SLC15A2: variants seen among roughly 807,000 people sequenced by gnomAD.
SLC15A2 encodes kidney H(+)/peptide cotransporter.
Under a neutral mutation model 95.5 loss-of-function variants are expected in SLC15A2, and 77 were observed. The ratio of observed to expected loss-of-function variants is 0.81; its 90% CI spans 0.67 to 0.97. SLC15A2 has a LOEUF of 0.97. Ranked by LOEUF, SLC15A2 falls within the 50% of genes least tolerant of loss-of-function variation. The probability of loss-of-function intolerance (pLI) is 0.00; values close to 1 mark genes in which losing one functional copy is unlikely to be tolerated. For missense variants in SLC15A2, 893 were observed against 874.4 expected, an observed-to-expected ratio of 1.02 and a Z score of -0.27; for synonymous variants, 306 against 306.9, an observed-to-expected ratio of 1.00 and a Z score of 0.03.
chr3:121,921,372 A>G (rs764924598), intron 7 of SLC15A2, among the ~76,000 whole-genome samples: 93 of 152,188 alleles, frequency 6.1e-4, no homozygotes, highest in African/African-American at 2.1e-3. Context: ...TAAGGATTAA[A>G]TACATAGATT....
rs147268804 is a variant in SLC15A2, at chr3:121,928,266, C to A, written c.1207-155C>A. 80 of 838,870 alleles carry A rather than the reference C, an allele frequency of 9.5e-5. No individual in the cohort carries two copies. The African/African-American group carries it at 9.6e-4, about 10-fold the overall frequency. The allele number at this position is 838,870 out of a possible 1,614,324, so 52.0% of individuals were successfully genotyped here. On this transcript the variant is annotated intron_variant, in intron 14 of 21. Coordinates refer to ENST00000489711, the MANE Select transcript of SLC15A2 (RefSeq NM_021082.4). ...AGCTGATGTTTCCCTCTCCAAGCTG[C>A]CTTTAGAGTTTTCTAAGCCAAATAT...
intron 18 of SLC15A2, 21 bp from the exon 19 acceptor site, chr3:121,931,618 C>T (rs549988322): frequency 6.6e-7 from 1 of 1,521,666 alleles, no homozygotes. Context: ...TTTATTCTAA[C>T]CTAAATTCAT....
intron 4 of SLC15A2, 102 bp downstream of exon 4, chr3:121,911,768 A>T: frequency 2.6e-6 from 2 of 780,476 alleles, no homozygotes; most frequent in South Asian, 3.2e-5. Context: ...TTCAATCTAC[A>T]GTTTACTACA....
chr3:121,905,832 G>T (rs947427955), intron 3 of SLC15A2, among the ~76,000 whole-genome samples: 2 of 152,170 alleles, frequency 1.3e-5, no homozygotes, highest in African/African-American at 4.8e-5. Context: ...CTATTGATTT[G>T]GGGTGGAGAG....
chr3:121,941,136 A>C lies in SLC15A2; in HGVS notation c.*129A>C. On this transcript the variant is annotated 3_prime_UTR_variant, in exon 22 of 22. Transcript: ENST00000489711. ...ATCTCCTCCACCTTTCTCCAATGAC[A>C]GAAGTTCCAGGACTGGTTTTCCAGT... The C allele has an allele frequency of 1.2e-6, 1 of 803,840 alleles. No individual in the cohort carries two copies. Among genetic ancestry groups the C allele is most frequent in the Non-Finnish European group, 1.9e-6 (1 of 524,258 alleles). The allele number at this position is 803,840 out of a possible 1,614,324, so 49.8% of individuals were successfully genotyped here.
chr3:121,905,315 A>C (rs970290814), intron 3 of SLC15A2, among the ~76,000 whole-genome samples: 5 of 151,936 alleles, frequency 3.3e-5, no homozygotes, highest in African/African-American at 1.2e-4. Context: ...GGATTCGTTG[A>C]TTTTTTGAAG....
At position 121,930,935 on chromosome 3, in the gene SLC15A2, C is replaced by G. The variant is rs555563911; in HGVS notation, c.1649C>G (p.Thr550Ser). The change falls in exon 18 of 22, where the codon ACT (threonine) becomes AGT (serine). Residue 550 changes from threonine (T) to serine (S), a missense_variant. By Grantham distance (58) the Thr-to-Ser change is moderately conservative. Coordinates refer to ENST00000489711, the MANE Select transcript of SLC15A2 (RefSeq NM_021082.4). ...GACTATGGTGTGTCTGCTTATAGAACTGTGCAAAGAGGAGAGTAAGTGCAT... is the reference window on the plus strand; with the variant it reads ...GACTATGGTGTGTCTGCTTATAGAAGTGTGCAAAGAGGAGAGTAAGTGCAT... Reference protein sequence around the residue: ...GEDYGVSAYRTVQRGEYPAVH... With the variant: ...GEDYGVSAYRSVQRGEYPAVH... 25 of 1,608,174 alleles carry G rather than the reference C, an allele frequency of 1.6e-5. No individual in the cohort carries two copies. The highest frequency in any genetic ancestry group is 2.0e-5 in the Non-Finnish European group (24 of 1,174,692).
Position 121,913,013 on chromosome 3 carries a change from C to T in SLC15A2, c.429-8C>T. ...AACATGGTTGGCATTCTCACCTCTC[C>T]ATTTCAGAGTCCTATCATTGATCGG... On this transcript the variant is annotated splice_region_variant and splice_polypyrimidine_tract_variant and intron_variant, in intron 4 of 21. Coordinates refer to ENST00000489711, the MANE Select transcript of SLC15A2 (RefSeq NM_021082.4). 6.2e-7 allele frequency: 1 copy of T among 1,606,210 alleles called. No homozygotes were observed. The highest frequency in any genetic ancestry group is 8.5e-7 in the Non-Finnish European group (1 of 1,173,276).
Position 121,896,512 on chromosome 3 carries a change from G to A in SLC15A2, c.193+19G>A, listed in dbSNP as rs969123739. 3 of 1,592,038 alleles carry A rather than the reference G, an allele frequency of 1.9e-6. No homozygotes were observed. Among genetic ancestry groups the A allele is most frequent in the Non-Finnish European group, 2.6e-6 (3 of 1,160,056 alleles). On this transcript the variant is annotated intron_variant, in intron 2 of 21. Coordinates refer to ENST00000489711, the MANE Select transcript of SLC15A2 (RefSeq NM_021082.4). ...ATGAAAGGTAATTTTGTGTCCAAGA[G>A]TCCTACCTACTCTCCTCCACCCACC...
intron 19 of SLC15A2, among the ~76,000 whole-genome samples, chr3:121,934,769 T>A (rs893757416): frequency 9.2e-5 from 14 of 152,200 alleles, no homozygotes; most frequent in Non-Finnish European, 2.1e-4. Context: ...TTCTCCTGCC[T>A]GATTGCCCTG....
At position 121,896,917 on chromosome 3, in the gene SLC15A2, AAAGG is replaced by A. The variant is rs1709427336; in HGVS notation, c.193+425_193+428del. 2.0e-5 allele frequency among the ~76,000 whole-genome samples: 3 copies of A among 149,626 alleles called. No homozygotes were observed. In the East Asian group the frequency reaches 6.1e-4, roughly 31 times the overall value. ...ACTCATCTCCAAAAAAAAAAAAAAA[AAAGG>A]GGGGGGAGGGAAAGCTCTCATTATC... On this transcript the variant is annotated intron_variant, in intron 2 of 21. Coordinates refer to ENST00000489711, the MANE Select transcript of SLC15A2 (RefSeq NM_021082.4).
intron 14 of SLC15A2, 59 bp downstream of exon 14, chr3:121,927,898 T>A: frequency 7.7e-7 from 1 of 1,305,610 alleles, no homozygotes; most frequent in Non-Finnish European, 1.1e-6. Flanking sequence ...TTATTTGCTC[T>A]TTTGACTTGT....
intron 18 of SLC15A2, 151 bp from the exon 19 acceptor site, chr3:121,931,488 C>A: frequency 1.8e-6 from 1 of 546,060 alleles, no homozygotes; most frequent in Non-Finnish European, 3.3e-6. Context: ...ATGAAAATAA[C>A]CTACTCCAAG....
At chr3:121,895,591 T>C (rs1437810065) in intron 1 of SLC15A2, among the ~76,000 whole-genome samples, 3 of 152,214 alleles carry the variant, frequency 2.0e-5, no homozygotes, top group African/African-American at 7.2e-5. Flanking sequence ...AATGAGGCAA[T>C]ATAAATCTTA....
At chr3:121,905,748 G>A (rs1709625592) in intron 3 of SLC15A2, among the ~76,000 whole-genome samples, 1 of 152,192 alleles carries the variant, frequency 6.6e-6, no homozygotes, top group African/African-American at 2.4e-5. Context: ...TATATTTGCT[G>A]AGGAGTGCTT....
rs550889737 is a variant in SLC15A2 at position 121,900,434 on chromosome 3, T to C, written c.335+2905T>C. 2.0e-5 allele frequency among the ~76,000 whole-genome samples: 3 copies of C among 152,302 alleles called. No individual in the cohort carries two copies. In the East Asian group the frequency reaches 5.8e-4, roughly 29 times the overall value. ...TGCTTCCCATCTCTTTTTCCTACAA[T>C]TGAGCATATATGCTACTGCCAAATT... On this transcript the variant is annotated intron_variant, in intron 3 of 21. Transcript: ENST00000489711.
rs1010562370 is a variant in SLC15A2, at chr3:121,941,168, T to A, written c.*161T>A. On this transcript the variant is annotated 3_prime_UTR_variant, in exon 22 of 22. Transcript: ENST00000489711. ...CCAGGACTGGTTTTCCAGTACATCTTTAAACAAGGCCCCAGAGACTCTATG... is the reference window on the plus strand; with the variant it reads ...CCAGGACTGGTTTTCCAGTACATCTATAAACAAGGCCCCAGAGACTCTATG... 4 of 619,228 alleles carry A rather than the reference T, an allele frequency of 6.5e-6. No individual in the cohort carries two copies. The highest frequency in any genetic ancestry group is 5.6e-5 in the African/African-American group (3 of 53,512). 38.4% of individuals were successfully genotyped at this position (619,228 alleles called of 1,614,324 possible).
intron 19 of SLC15A2, among the ~76,000 whole-genome samples, chr3:121,936,015 G>A (rs1273202778): frequency 2.4e-4 from 36 of 152,062 alleles, no homozygotes; most frequent in Admixed American, 2.4e-3. Context: ...CCTTCATTTC[G>A]TGATGTACCC....
At chr3:121,929,426 T>C in intron 17 of SLC15A2, 78 bp downstream of exon 17, 1 of 1,469,128 alleles carries the variant, frequency 6.8e-7, no homozygotes, top group Non-Finnish European at 9.5e-7. Flanking sequence ...GGCTGCATTC[T>C]ACTTGTTCTG....
Sources: gnomAD v4.1 joint callset for allele counts (sites outside exome capture counted in the v4.1 genomes callset) on GRCh38, gnomAD v4.1.1 for gene constraint, MANE v1.5 for transcripts, NCBI Gene and HGNC (gene_info 2026-07-23, HGNC 2026-07-21) for gene names.